The following TNIK variants were observed in gnomAD, a reference collection of about 807,000 sequenced individuals.
TNIK encodes TRAF2 and NCK-interacting protein kinase.
TNIK carries 49 observed loss-of-function variants against 191.3 expected under a neutral mutation model. The observed-to-expected ratio is 0.26, with a 90% CI of 0.20 to 0.32. The LOEUF (loss-of-function observed/expected upper bound fraction) is 0.32. Ranked by LOEUF, TNIK falls within the 10% of genes least tolerant of loss-of-function variation. The pLI is 1.00. For missense variants in TNIK, 1,155 were observed against 1,702.3 expected (o/e 0.68, Z 5.66); for synonymous variants, 594 against 600.9 (o/e 0.99, Z 0.17).
At chr3:171,188,656 G>A in intron 7 of TNIK, 46 bp downstream of exon 7, 1 of 1,608,246 alleles carries the variant, frequency 6.2e-7, no homozygotes, top group Non-Finnish European at 8.5e-7. Flanking sequence ...TAAGACTCAG[G>A]ATAAGATGGT....
rs1392279248 is a variant in TNIK, at chr3:171,159,879, A to G, written c.1016+1391T>C. Among the ~76,000 whole-genome samples, 1 of 152,264 alleles carries G rather than the reference A, an allele frequency of 6.6e-6. No individual in the cohort carries two copies. Among genetic ancestry groups the G allele is most frequent in the Non-Finnish European group, 1.5e-5 (1 of 68,038 alleles). ...CTTGGAACATAATCTTCAGCATGAT[A>G]TAATGACATGTTATAATTACGGAAG... On this transcript the variant is annotated intron_variant, in intron 11 of 32. Transcript: ENST00000436636. The surrounding 1 kb of genome is among the most constrained non-coding windows in gnomAD (Gnocchi z 4.1).
intron 1 of TNIK, among the ~76,000 whole-genome samples, chr3:171,457,800 A>G (rs1368516663): frequency 6.6e-6 from 1 of 152,250 alleles, no homozygotes; most frequent in African/African-American, 2.4e-5. Context: ...CAGCAGGCAG[A>G]AAAACAGAAG....
In TNIK at chr3:171,389,618, C is replaced by T. The variant is rs556657513; in HGVS notation, c.58-19933G>A. On this transcript the variant is annotated intron_variant, in intron 1 of 32. Transcript: ENST00000436636. ...ATTAGGGGATCTATGAATCATTTAA[C>T]GGAACATAGAGTAGCCTGTTCTGTG... Among the ~76,000 whole-genome samples the T allele has an allele frequency of 1.8e-4, 28 of 152,230 alleles. No homozygotes were observed. The East Asian group carries it at 4.1e-3, about 22-fold the overall frequency.
Position 171,438,034 on chromosome 3 carries a change from C to A in TNIK, c.57+21973G>T, listed in dbSNP as rs796566901. On this transcript the variant is annotated intron_variant, in intron 1 of 32. Transcript: ENST00000436636. ...TGCTTTTTAGAGTGCATAGAGCAGA[C>A]ATGGGAATATAACTGCTGCACCTGC... Among the ~76,000 whole-genome samples the A allele has an allele frequency of 1.3e-4, 20 of 152,318 alleles. 1 individual carries two copies. The highest frequency in any genetic ancestry group is 4.8e-4 in the African/African-American group (20 of 41,576).
intron 1 of TNIK, among the ~76,000 whole-genome samples, chr3:171,438,758 G>T (rs1160336152): frequency 8.5e-5 from 13 of 152,182 alleles, no homozygotes; most frequent in Admixed American, 6.5e-4. Flanking sequence ...AGTAACAGGG[G>T]TTTTGTGGCT....
chr3:171,344,939 A>G (rs1488984089), intron 2 of TNIK, among the ~76,000 whole-genome samples: 1 of 152,150 alleles, frequency 6.6e-6, no homozygotes, highest in Admixed American at 6.5e-5. Context: ...ATTTGTATAT[A>G]TATATCATCT....
At chr3:171,128,525 C>T (rs921146495) in intron 16 of TNIK, among the ~76,000 whole-genome samples, 189 bp downstream of exon 16, 2 of 152,112 alleles carry the variant, frequency 1.3e-5, no homozygotes, top group East Asian at 3.9e-4. Context: ...AAGGGTGATG[C>T]TTTTTTCTTT....
intron 1 of TNIK, among the ~76,000 whole-genome samples, chr3:171,406,971 G>T (rs560922178): frequency 1.3e-5 from 2 of 152,242 alleles, no homozygotes; most frequent in Non-Finnish European, 2.9e-5. Flanking sequence ...GGCAGAGAAG[G>T]CCCCTCAGGC....
At chr3:171,277,945 C>A (rs1749959294) in intron 2 of TNIK, among the ~76,000 whole-genome samples, 1 of 152,166 alleles carries the variant, frequency 6.6e-6, no homozygotes, top group African/African-American at 2.4e-5. Context: ...GGCAGGATCG[C>A]TTGAGCCCAG....
intron 18 of TNIK, among the ~76,000 whole-genome samples, chr3:171,119,564 G>C (rs1349617246): frequency 1.3e-5 from 2 of 152,152 alleles, no homozygotes; most frequent in Non-Finnish European, 1.5e-5. Context: ...AACAATGATA[G>C]ACTGGATTAA....
chr3:171,279,233 T>C (rs4894723), intron 2 of TNIK, among the ~76,000 whole-genome samples: 6,758 of 152,268 alleles, frequency 0.044, 217 homozygotes, highest in African/African-American at 0.093. Context: ...TCTGAAGATA[T>C]CTACCAAGAC....
intron 2 of TNIK, among the ~76,000 whole-genome samples, chr3:171,364,175 G>A (rs935520701): frequency 2.6e-5 from 4 of 152,104 alleles, no homozygotes; most frequent in Non-Finnish European, 5.9e-5. Flanking sequence ...TCAGAAGTTG[G>A]AGCCGGGAAA....
intron 1 of TNIK, among the ~76,000 whole-genome samples, chr3:171,445,493 C>T (rs981100323): frequency 1.3e-5 from 2 of 151,708 alleles, no homozygotes; most frequent in Non-Finnish European, 2.9e-5. Context: ...AAGGATCCCA[C>T]TTTGAGAACT....
intron 21 of TNIK, among the ~76,000 whole-genome samples, chr3:171,106,171 C>G (rs1250384824): frequency 6.6e-6 from 1 of 152,222 alleles, no homozygotes; most frequent in Admixed American, 6.5e-5. Flanking sequence ...CAAAATAGCT[C>G]CATGCCTCTG....
intron 1 of TNIK, among the ~76,000 whole-genome samples, chr3:171,423,757 C>T (rs183951780): frequency 0.011 from 1,675 of 152,114 alleles, 29 homozygotes; most frequent in African/African-American, 0.036. Flanking sequence ...TAATAAATGG[C>T]GCTGGGAAAA....
intron 27 of TNIK, among the ~76,000 whole-genome samples, chr3:171,081,584 G>A (rs539252238): frequency 6.8e-6 from 1 of 148,144 alleles, no homozygotes; most frequent in South Asian, 2.2e-4. Context: ...AGTGACGGGT[G>A]TTACTCGTTA....
chr3:171,242,031 G>A (rs1225173885), intron 2 of TNIK, among the ~76,000 whole-genome samples: 1 of 151,812 alleles, frequency 6.6e-6, no homozygotes, highest in Non-Finnish European at 1.5e-5. Flanking sequence ...GGGGGGAAGG[G>A]GGAGGGATAG....
chr3:171,118,065 CCTT>C (rs1395101655), intron 18 of TNIK, among the ~76,000 whole-genome samples: 1 of 152,178 alleles, frequency 6.6e-6, no homozygotes, highest in African/African-American at 2.4e-5. Context: ...CCCCAAATCT[CCTT>C]AAGCTGATAA....
chr3:171,345,050 G>A (rs1711941649), intron 2 of TNIK, among the ~76,000 whole-genome samples: 1 of 152,112 alleles, frequency 6.6e-6, no homozygotes. Context: ...AGAGCACACA[G>A]TGACATCTAT....
Sources: gnomAD v4.1 joint callset for allele counts (sites outside exome capture counted in the v4.1 genomes callset) on GRCh38, gnomAD v4.1.1 for gene constraint, Gnocchi (gnomAD v3.1) non-coding constraint, MANE v1.5 for transcripts, NCBI Gene and HGNC (gene_info 2026-07-23, HGNC 2026-07-21) for gene names.